Variants in YEATS2 observed in about 807,000 individuals in gnomAD.
YEATS2 encodes YEATS domain-containing protein 2.
Under a neutral mutation model 163.2 loss-of-function variants are expected in YEATS2, and 77 were observed. The ratio of observed to expected loss-of-function variants is 0.47; its 90% CI spans 0.39 to 0.57. The LOEUF (loss-of-function observed/expected upper bound fraction) is 0.57. YEATS2 is among the 20% of genes least tolerant of loss of function. The pLI is 0.00. For synonymous variants in YEATS2, 631 were observed against 645.1 expected (o/e 0.98, Z 0.33); for missense variants, 1,549 against 1,729.8 (o/e 0.90, Z 1.85).
intron 1 of YEATS2, among the ~76,000 whole-genome samples, chr3:183,706,453 T>C (rs1714624374): frequency 1.3e-5 from 2 of 152,192 alleles, no homozygotes; most frequent in South Asian, 4.1e-4. Context: ...TGTCCTTTTC[T>C]AAAGTGAGGT....
intron 8 of YEATS2, among the ~76,000 whole-genome samples, chr3:183,747,244 A>G (rs1297508448): frequency 6.6e-6 from 1 of 152,160 alleles, no homozygotes; most frequent in Non-Finnish European, 1.5e-5. Context: ...ATAGCCTGTC[A>G]TTTAAAATAT....
rs544698523 is a variant in YEATS2, at chr3:183,782,531, C to A, written c.2737-3594C>A. Among the ~76,000 whole-genome samples, 17 of 152,174 alleles carry A rather than the reference C, an allele frequency of 1.1e-4. No homozygotes were observed. In the South Asian group the frequency reaches 3.5e-3, roughly 32 times the overall value. ...CTCTGTCTCCTGGGTTCAAGTGATTCTCCTGCCTCAGCCTCCCGAGTAGCT... is the reference window on the plus strand; with the variant it reads ...CTCTGTCTCCTGGGTTCAAGTGATTATCCTGCCTCAGCCTCCCGAGTAGCT... On this transcript the variant is annotated intron_variant, in intron 19 of 30. Coordinates refer to ENST00000305135, the MANE Select transcript of YEATS2 (RefSeq NM_018023.5).
intron 15 of YEATS2, among the ~76,000 whole-genome samples, chr3:183,769,607 A>T (rs1470428840): frequency 1.3e-5 from 2 of 152,248 alleles, no homozygotes; most frequent in African/African-American, 4.8e-5. Context: ...TAACCTGGAA[A>T]ACCAGATCTG....
chr3:183,750,342 T>TG (rs1429465201), intron 9 of YEATS2, among the ~76,000 whole-genome samples: 2 of 152,252 alleles, frequency 1.3e-5, no homozygotes, highest in East Asian at 1.9e-4. Context: ...GATGGACACT[T>TG]GCGTTGCTTC....
chr3:183,698,515 G>T (rs1039433978), intron 1 of YEATS2, among the ~76,000 whole-genome samples: 3 of 152,240 alleles, frequency 2.0e-5, no homozygotes, highest in African/African-American at 7.2e-5. Flanking sequence ...GCCTCGGAAA[G>T]TGAGGACTCC....
At chr3:183,783,070 C>G (rs1262692664) in intron 19 of YEATS2, among the ~76,000 whole-genome samples, 1 of 152,176 alleles carries the variant, frequency 6.6e-6, no homozygotes, top group Non-Finnish European at 1.5e-5. Context: ...TTGCATAAAG[C>G]TCCAATGCAA....
chr3:183,776,280 A>G (rs928400040), intron 18 of YEATS2, among the ~76,000 whole-genome samples, 157 bp downstream of exon 18: 1 of 152,156 alleles, frequency 6.6e-6, no homozygotes, highest in African/African-American at 2.4e-5. Flanking sequence ...GTGGTAACTC[A>G]TGCCTGTAAT....
rs141600711 is a variant in YEATS2, at chr3:183,778,642, C to A, written c.2736+942C>A. ...AAGTGCTGGGATTACAGGCGTGATCCGCTCCTGGCCTTGTTTAGAGTTTTT... is the reference window on the plus strand; with the variant it reads ...AAGTGCTGGGATTACAGGCGTGATCAGCTCCTGGCCTTGTTTAGAGTTTTT... On this transcript the variant is annotated intron_variant, in intron 19 of 30. Coordinates refer to ENST00000305135, the MANE Select transcript of YEATS2 (RefSeq NM_018023.5). Among the ~76,000 whole-genome samples the A allele has an allele frequency of 2.9e-3, 443 of 152,182 alleles. 3 individuals carry two copies. Among genetic ancestry groups the A allele is most frequent in the African/African-American group, 0.01 (432 of 41,528 alleles).
chr3:183,736,298 GT>G (rs1271392409), intron 7 of YEATS2, among the ~76,000 whole-genome samples: 1 of 152,160 alleles, frequency 6.6e-6, no homozygotes, highest in Non-Finnish European at 1.5e-5. Context: ...AGTTGAGCAT[GT>G]TCATGATTCA....
intron 17 of YEATS2, 152 bp downstream of exon 17, chr3:183,773,946 C>A: frequency 3.3e-6 from 3 of 899,056 alleles, no homozygotes; most frequent in Non-Finnish European, 4.7e-6. Flanking sequence ...ATGGATTTAA[C>A]ACATACGATA....
In YEATS2 at chr3:183,775,954, C is replaced by A; in HGVS notation, c.2408C>A (p.Ala803Asp). ...SGSAASGGSG[A>D]GGGGGGGGGG... Reference sequence around the variant, plus strand: ...TCAGCTGCCAGTGGTGGGAGTGGTGCCGGAGGAGGAGGAGGAGGAGGAGGA... The same window carrying A: ...TCAGCTGCCAGTGGTGGGAGTGGTGACGGAGGAGGAGGAGGAGGAGGAGGA... The change falls in exon 18 of 31, where the codon GCC becomes GAC. Residue 803 changes from alanine (A) to aspartate (D), a missense_variant. Ala to Asp is a moderately radical substitution (Grantham distance 126). Coordinates refer to ENST00000305135, the MANE Select transcript of YEATS2 (RefSeq NM_018023.5). The A allele has an allele frequency of 1.9e-6, 3 of 1,584,540 alleles. No homozygotes were observed.
intron 26 of YEATS2, chr3:183,803,650 T>C (rs1725901777): frequency 2.1e-6 from 1 of 486,502 alleles, no homozygotes; most frequent in South Asian, 2.3e-5. Context: ...AGGAGGGGAG[T>C]GGGAGAGCGC....
chr3:183,744,216 G>A (rs1447152564), intron 8 of YEATS2, among the ~76,000 whole-genome samples: 2 of 141,440 alleles, frequency 1.4e-5, no homozygotes, highest in South Asian at 2.3e-4. Flanking sequence ...AGGTTCAAGC[G>A]ATTCTTCTGC....
intron 12 of YEATS2, 28 bp downstream of exon 12, chr3:183,756,717 T>C: frequency 1.4e-6 from 2 of 1,388,068 alleles, no homozygotes; most frequent in East Asian, 2.7e-5. Flanking sequence ...ATTTGTACCA[T>C]CTAAAGGGTT....
intron 22 of YEATS2, 90 bp downstream of exon 22, chr3:183,798,141 G>A (rs1160052242): frequency 1.3e-6 from 2 of 1,562,684 alleles, no homozygotes; most frequent in Non-Finnish European, 8.7e-7. Flanking sequence ...CCTGTGTACA[G>A]CCACCCTTCA....
At chr3:183,706,654 T>A (rs1192708271) in intron 1 of YEATS2, among the ~76,000 whole-genome samples, 1 of 152,114 alleles carries the variant, frequency 6.6e-6, no homozygotes, top group African/African-American at 2.4e-5. Context: ...CCGTCTCTAC[T>A]AAAAATACAA....
chr3:183,728,998 T>G, intron 7 of YEATS2, 147 bp downstream of exon 7: 1 of 889,802 alleles, frequency 1.1e-6, no homozygotes, highest in South Asian at 1.8e-5. Context: ...GGAGGCCGGG[T>G]GGGGTGGCTC....
rs373804365 is a variant in YEATS2, at chr3:183,804,143, G to A, written c.3739G>A (p.Gly1247Arg). 2.3e-5 allele frequency: 37 copies of A among 1,613,998 alleles called. No individual in the cohort carries two copies. Among genetic ancestry groups the A allele is most frequent in the South Asian group, 6.6e-5 (6 of 91,080 alleles). The change falls in exon 27 of 31, where the codon GGG (glycine) becomes AGG (arginine). Residue 1247 changes from glycine (G) to arginine (R), a missense_variant. By Grantham distance (125) the Gly-to-Arg change is moderately radical (BLOSUM62 -2). Coordinates refer to ENST00000305135, the MANE Select transcript of YEATS2 (RefSeq NM_018023.5). ...PPDPESLRND[G>R]DSIEDVLTQI... is the part of the protein sequence containing the mutation. ...GGACCCTGAGAGCCTGAGGAATGAC[G>A]GGGACTCCATCGAGGACGTGCTGAC...
At chr3:183,784,024 A>G (rs1187818772) in intron 19 of YEATS2, among the ~76,000 whole-genome samples, 2 of 151,944 alleles carry the variant, frequency 1.3e-5, no homozygotes, top group Non-Finnish European at 2.9e-5. Flanking sequence ...TCCCATCCCA[A>G]CCTCCCAAGT....
Sources: allele counts gnomAD v4.1 joint callset (sites outside exome capture counted in the v4.1 genomes callset), GRCh38; gene constraint gnomAD v4.1.1; transcripts MANE v1.5; gene names NCBI Gene and HGNC (gene_info 2026-07-23, HGNC 2026-07-21).